Variants in TCP11L2 observed in about 807,000 individuals in gnomAD.
The protein encoded by TCP11L2 is T-complex protein 11-like protein 2.
TCP11L2 carries 39 observed loss-of-function variants against 50.7 expected under a neutral mutation model. The ratio of observed to expected loss-of-function variants is 0.77; its 90% CI spans 0.60 to 1.01. The LOEUF is 1.01. Ranked by LOEUF, TCP11L2 falls within the 50% of genes least tolerant of loss-of-function variation. The probability of loss-of-function intolerance (pLI) is 0.00; values close to 1 mark genes in which losing one functional copy is unlikely to be tolerated. For synonymous variants in TCP11L2, 192 were observed against 219.3 expected (o/e 0.88, Z 1.10); for missense variants, 612 against 614.7 (o/e 1.00, Z 0.05).
chr12:106,321,087 T>TAGAA (rs1422284043), intron 4 of TCP11L2, among the ~76,000 whole-genome samples: 2 of 152,244 alleles, frequency 1.3e-5, no homozygotes, highest in African/African-American at 4.8e-5. Context: ...AAATATGCCA[T>TAGAA]AGAAACTTAA....
chr12:106,318,159 A>G (rs1342188345), intron 3 of TCP11L2, among the ~76,000 whole-genome samples, 185 bp from the exon 4 acceptor site: 5 of 152,158 alleles, frequency 3.3e-5, no homozygotes, highest in African/African-American at 1.2e-4. Flanking sequence ...TATATTTTGT[A>G]TATATGCTCT....
intron 2 of TCP11L2, among the ~76,000 whole-genome samples, chr12:106,311,623 AG>A (rs977205564): frequency 1.3e-5 from 2 of 152,200 alleles, no homozygotes; most frequent in African/African-American, 4.8e-5. Context: ...CTTCATTGAA[AG>A]GTCAGGAAGG....
At chr12:106,329,538 A>C in intron 6 of TCP11L2, 1 of 1,440,756 alleles carries the variant, frequency 6.9e-7, no homozygotes, top group Non-Finnish European at 9.1e-7. Flanking sequence ...TTAAACACAG[A>C]GGCCTGAGCC....
Position 106,346,775 on chromosome 12 carries a change from A to G in TCP11L2, c.*245A>G. On this transcript the variant is annotated 3_prime_UTR_variant, in exon 10 of 10. Transcript: ENST00000299045. The stretch of plus-strand genomic sequence containing the variant: ...AAGTTTAAAACAAATATTTGTAATG[A>G]ACAGAAAACAATTTGTAATTAATTA... 2.5e-6 allele frequency: 1 copy of G among 403,986 alleles called. No homozygotes were observed. The highest frequency in any genetic ancestry group is 4.4e-6 in the Non-Finnish European group (1 of 227,384). The allele number at this position is 403,986 out of a possible 1,614,324, so 25.0% of individuals were successfully genotyped here. A position where few individuals can be genotyped will look rare whatever the true frequency, so the allele number is the denominator to read the frequency against.
chr12:106,318,486 G>A, intron 4 of TCP11L2, 22 bp downstream of exon 4: 1 of 1,611,304 alleles, frequency 6.2e-7, no homozygotes, highest in Non-Finnish European at 8.5e-7. Flanking sequence ...TGTTGTCTGT[G>A]TCAGTTAGCG....
chr12:106,342,759 C>T (rs987711568), intron 9 of TCP11L2, among the ~76,000 whole-genome samples: 1 of 152,234 alleles, frequency 6.6e-6, no homozygotes. Flanking sequence ...CTTCCCCAGC[C>T]TGTCTGACTC....
intron 6 of TCP11L2, chr12:106,329,334 A>G (rs2035666152): frequency 3.3e-6 from 5 of 1,536,130 alleles, no homozygotes; most frequent in Non-Finnish European, 4.4e-6. Context: ...CCCCAGGAAA[A>G]GCCGAGGTTG....
chr12:106,329,106 C>G (rs2035656882), intron 6 of TCP11L2, among the ~76,000 whole-genome samples: 1 of 152,038 alleles, frequency 6.6e-6, no homozygotes, highest in African/African-American at 2.4e-5. Flanking sequence ...GATAAGGAAA[C>G]TACATTTTTC....
At chr12:106,310,305 T>C (rs935350666) in intron 1 of TCP11L2, among the ~76,000 whole-genome samples, 1 of 152,220 alleles carries the variant, frequency 6.6e-6, no homozygotes, top group African/African-American at 2.4e-5. Context: ...CATAGGGTTG[T>C]GATGGGTACT....
Position 106,346,306 on chromosome 12 carries a change from A to T in TCP11L2, c.1336A>T (p.Met446Leu), listed in dbSNP as rs752125101. ...TTCAGATAAACGAATTAAGCTTTAC[A>T]TGAGAAGGCTACTTTGTCTTCCAAG... ...SLIDKRIKLY[M>L]RRLLCLPSPQ... Residue 446 changes from methionine to leucine, a missense_variant, in exon 10 of 10, where the codon ATG becomes TTG. Coordinates refer to ENST00000299045, the MANE Select transcript of TCP11L2 (RefSeq NM_152772.3). 1 of 1,611,522 alleles carries T rather than the reference A, an allele frequency of 6.2e-7. No individual in the cohort carries two copies. The highest frequency in any genetic ancestry group is 1.7e-5 in the Admixed American group (1 of 59,616).
In TCP11L2 at chr12:106,346,552, G is replaced by T; in HGVS notation, c.*22G>T. On this transcript the variant is annotated 3_prime_UTR_variant, in exon 10 of 10. Transcript: ENST00000299045. ...CTAAAGAAGAACTGACATTGGACGA[G>T]AGATTGGAAATCCAGTACTTTGGTA... is the stretch of plus-strand genomic sequence containing the variant. 1.3e-6 allele frequency: 2 copies of T among 1,599,292 alleles called. No individual in the cohort carries two copies. The highest frequency in any genetic ancestry group is 1.7e-6 in the Non-Finnish European group (2 of 1,173,642).
At chr12:106,312,707 C>T (rs1003088227) in intron 2 of TCP11L2, among the ~76,000 whole-genome samples, 2 of 152,094 alleles carry the variant, frequency 1.3e-5, no homozygotes, top group African/African-American at 4.8e-5. Context: ...CATGGTGAAA[C>T]CCCATCTCTA....
intron 9 of TCP11L2, among the ~76,000 whole-genome samples, chr12:106,343,049 C>T (rs958776376): frequency 4.6e-5 from 7 of 152,200 alleles, no homozygotes; most frequent in African/African-American, 1.7e-4. Flanking sequence ...TACTGTTGCC[C>T]TAGCAACTTA....
At chr12:106,344,937 G>GA (rs2036188315) in intron 9 of TCP11L2, among the ~76,000 whole-genome samples, 1 of 152,152 alleles carries the variant, frequency 6.6e-6, no homozygotes, top group Non-Finnish European at 1.5e-5. Context: ...TGCTGGTTGG[G>GA]ATGTCCCTTC....
intron 1 of TCP11L2, chr12:106,304,067 C>T (rs1355951735): frequency 6.6e-6 from 1 of 152,296 alleles, no homozygotes. Flanking sequence ...GGCTCCCTGC[C>T]GTGGTCCTTT....
intron 9 of TCP11L2, 73 bp downstream of exon 9, chr12:106,341,071 A>C (rs2036081910): frequency 1.7e-5 from 23 of 1,332,278 alleles, no homozygotes; most frequent in Non-Finnish European, 2.1e-5. Flanking sequence ...ACATTAAGTC[A>C]GTCAAATTTT....
chr12:106,346,188 C>A, intron 9 of TCP11L2, 98 bp from the exon 10 acceptor site: 1 of 1,274,704 alleles, frequency 7.8e-7, no homozygotes, highest in Non-Finnish European at 1.1e-6. Context: ...GAATTGGGAA[C>A]ATTATTGCAG....
At chr12:106,338,317 A>AC (rs1402190077) in intron 8 of TCP11L2, among the ~76,000 whole-genome samples, 1 of 151,934 alleles carries the variant, frequency 6.6e-6, no homozygotes, top group African/African-American at 2.4e-5. Context: ...CCTCCTCCAG[A>AC]CCTCCACCTT....
Position 106,333,217 on chromosome 12 carries a change from G to C in TCP11L2, c.773-2422G>C, listed in dbSNP as rs535270579. On this transcript the variant is annotated intron_variant, in intron 6 of 9. Coordinates refer to ENST00000299045, the MANE Select transcript of TCP11L2 (RefSeq NM_152772.3). ...TAGTTATTTAAGATGCTGTCCTTGG[G>C]GGCAGCTGGGTGAAGGGTATACAGT... Among the ~76,000 whole-genome samples the C allele has an allele frequency of 1.6e-4, 25 of 152,212 alleles. 1 individual carries two copies. The highest frequency in any genetic ancestry group is 5.5e-4 in the African/African-American group (23 of 41,536).
Sources: gnomAD v4.1 joint callset for allele counts (sites outside exome capture counted in the v4.1 genomes callset) on GRCh38, gnomAD v4.1.1 for gene constraint, MANE v1.5 for transcripts, NCBI Gene and HGNC (gene_info 2026-07-23, HGNC 2026-07-21) for gene names.